KSR2: variants seen among roughly 807,000 people sequenced by gnomAD.
KSR2 encodes the protein kinase suppressor of ras 2.
A neutral mutation model predicts 107.8 loss-of-function variants in KSR2; 25 were observed. The ratio of observed to expected loss-of-function variants is 0.23; its 90% CI spans 0.17 to 0.32. KSR2 has a LOEUF of 0.32. Among genes scored for constraint, KSR2 ranks in the 10% least tolerant of loss-of-function variants. The pLI, the probability that KSR2 is intolerant of heterozygous loss-of-function variation, is 1.00. For synonymous variants in KSR2, 480 were observed against 507.0 expected (o/e 0.95, Z 0.71); for missense variants, 887 against 1,268.9 (o/e 0.70, Z 4.57).
At chr12:117,691,649 T>C (rs1241389107) in intron 4 of KSR2, among the ~76,000 whole-genome samples, 1 of 152,218 alleles carries the variant, frequency 6.6e-6, no homozygotes, top group Non-Finnish European at 1.5e-5. Context: ...TGGTGCAGAA[T>C]CTCTATGCTG....
chr12:117,698,324 A>AT (rs57867291), intron 4 of KSR2, among the ~76,000 whole-genome samples: 146 of 145,818 alleles, frequency 1.0e-3, no homozygotes, highest in African/African-American at 1.5e-3. Flanking sequence ...TGTCTCTCAG[A>AT]TTTTTTTTTT....
chr12:117,902,293 T>C (rs972704102), intron 1 of KSR2, among the ~76,000 whole-genome samples: 1 of 152,054 alleles, frequency 6.6e-6, no homozygotes, highest in Non-Finnish European at 1.5e-5. Context: ...ACCCCGTCTC[T>C]ATAAATTTGC....
intron 1 of KSR2, among the ~76,000 whole-genome samples, chr12:117,884,162 C>T (rs1196646060): frequency 2.0e-5 from 3 of 152,178 alleles, no homozygotes; most frequent in Non-Finnish European, 2.9e-5. Context: ...TCCATGTCGT[C>T]AGGACCTCAA....
intron 7 of KSR2, among the ~76,000 whole-genome samples, chr12:117,578,681 A>C (rs1416044090): frequency 2.0e-5 from 3 of 151,794 alleles, no homozygotes; most frequent in African/African-American, 7.3e-5. Context: ...ATTACAGCTG[A>C]GGGCCACAGC....
At chr12:117,529,721 A>G (rs1469176680) in intron 12 of KSR2, among the ~76,000 whole-genome samples, 2 of 150,524 alleles carry the variant, frequency 1.3e-5, no homozygotes, top group East Asian at 4.1e-4. Flanking sequence ...AAACAATATC[A>G]GACAGGTGCA....
At chr12:117,725,390 T>TG (rs1887385200) in intron 4 of KSR2, among the ~76,000 whole-genome samples, 2 of 152,132 alleles carry the variant, frequency 1.3e-5, no homozygotes, top group African/African-American at 2.4e-5. Context: ...CACATGCATA[T>TG]GGCCAACTTA....
At chr12:117,835,280 C>T (rs1391960185) in intron 3 of KSR2, among the ~76,000 whole-genome samples, 1 of 152,102 alleles carries the variant, frequency 6.6e-6, no homozygotes, top group Non-Finnish European at 1.5e-5. Flanking sequence ...AACAAGGTCC[C>T]TGGGGAGACA....
intron 14 of KSR2, among the ~76,000 whole-genome samples, chr12:117,491,944 T>A (rs974304132): frequency 2.0e-5 from 3 of 152,244 alleles, no homozygotes; most frequent in African/African-American, 7.2e-5. Flanking sequence ...CTGCTGGTAG[T>A]ACAGTCCATC....
chr12:117,587,674 G>T (rs7132400), intron 5 of KSR2, among the ~76,000 whole-genome samples: 1 of 151,936 alleles, frequency 6.6e-6, no homozygotes, highest in Non-Finnish European at 1.5e-5. Context: ...TACGGTGAAC[G>T]AGATAACCAT....
At chr12:117,653,387 T>C (rs565171963) in intron 5 of KSR2, among the ~76,000 whole-genome samples, 16 of 152,366 alleles carry the variant, frequency 1.1e-4, no homozygotes, top group African/African-American at 3.8e-4. Flanking sequence ...AGGCCAGCAA[T>C]ATACCTTCAC....
chr12:117,721,127 C>T (rs1267166655), intron 4 of KSR2, among the ~76,000 whole-genome samples: 3 of 152,108 alleles, frequency 2.0e-5, no homozygotes, highest in African/African-American at 7.2e-5. Flanking sequence ...TCGTCAAAAG[C>T]AAGAAGTTTT....
At chr12:117,966,764 C>T (rs535991862) in intron 1 of KSR2, among the ~76,000 whole-genome samples, 2 of 151,652 alleles carry the variant, frequency 1.3e-5, no homozygotes, top group African/African-American at 2.4e-5. Flanking sequence ...TTAAAAATCA[C>T]GGAAAAAAAA....
intron 1 of KSR2, among the ~76,000 whole-genome samples, chr12:117,875,438 T>G (rs931266517): frequency 2.1e-4 from 31 of 150,632 alleles, no homozygotes; most frequent in Non-Finnish European, 3.5e-4. Flanking sequence ...GCAAGAACCA[T>G]CCCTGGTGTA....
At chr12:117,802,607 T>G (rs1867152215) in intron 3 of KSR2, among the ~76,000 whole-genome samples, 1 of 152,172 alleles carries the variant, frequency 6.6e-6, no homozygotes, top group Non-Finnish European at 1.5e-5. Context: ...GGGGTTTGTC[T>G]GAGGATGACA....
intron 3 of KSR2, among the ~76,000 whole-genome samples, chr12:117,775,998 G>A (rs1044274202): frequency 1.6e-4 from 24 of 152,036 alleles, no homozygotes; most frequent in Non-Finnish European, 2.9e-4. Context: ...TATACTGCTC[G>A]GGTGATGAGC....
intron 4 of KSR2, among the ~76,000 whole-genome samples, chr12:117,740,508 T>A (rs1204448022): frequency 4.8e-5 from 6 of 125,356 alleles, no homozygotes; most frequent in Non-Finnish European, 1.0e-4. Flanking sequence ...TATATTACAT[T>A]TATATAATAT....
chr12:117,561,147 T>C lies in KSR2; in HGVS notation c.1326-2574A>G, dbSNP rs566362021. Reference sequence around the variant, plus strand: ...GCCATAAATAGAAAATAAGTAAAAATAGTAGAGTGGATATGTAATTATGAT... The same window carrying C: ...GCCATAAATAGAAAATAAGTAAAAACAGTAGAGTGGATATGTAATTATGAT... On this transcript the variant is annotated intron_variant, in intron 7 of 19. Transcript: ENST00000339824. Among the ~76,000 whole-genome samples, 6 of 152,198 alleles carry C rather than the reference T, an allele frequency of 3.9e-5. No individual in the cohort carries two copies. The East Asian group carries it at 9.6e-4, about 24-fold the overall frequency.
chr12:117,914,407 C>T lies in KSR2; in HGVS notation c.180+53669G>A, dbSNP rs1198933268. ...TCACGCCACTGCACTCCAGCTTGGG[C>T]GACAGAGTGAGACTGTCTCAAAAAA... On this transcript the variant is annotated intron_variant, in intron 1 of 19. Transcript: ENST00000339824. Among the ~76,000 whole-genome samples, 4 of 140,002 alleles carry T rather than the reference C, an allele frequency of 2.9e-5. No individual in the cohort carries two copies. The East Asian group carries it at 6.6e-4, about 23-fold the overall frequency. 91.8% of individuals were successfully genotyped at this position (140,002 alleles called of 152,430 possible).
At chr12:117,849,485 G>T (rs915749485) in intron 3 of KSR2, among the ~76,000 whole-genome samples, 3 of 152,180 alleles carry the variant, frequency 2.0e-5, no homozygotes, top group Non-Finnish European at 4.4e-5. Context: ...TCCTGGCTCT[G>T]GGATCCTTTG....
Sources: allele counts gnomAD v4.1 joint callset (sites outside exome capture counted in the v4.1 genomes callset), GRCh38; gene constraint gnomAD v4.1.1; transcripts MANE v1.5; gene names NCBI Gene and HGNC (gene_info 2026-07-23, HGNC 2026-07-21).